SUMF1: variants seen among roughly 807,000 people sequenced by gnomAD.
The protein encoded by SUMF1 is formylglycine-generating enzyme.
A neutral mutation model predicts 47.6 loss-of-function variants in SUMF1; 48 were observed. That is an observed-to-expected ratio of 1.01 (90% CI 0.80 to 1.28). The LOEUF (loss-of-function observed/expected upper bound fraction) is 1.28. Ranked by LOEUF, SUMF1 falls within the 50% of genes most tolerant of loss-of-function variation. The pLI is 0.00. For synonymous variants in SUMF1, 230 were observed against 192.1 expected, an observed-to-expected ratio of 1.20 and a Z score of -1.63; for missense variants, 571 against 485.4, an observed-to-expected ratio of 1.18 and a Z score of -1.66.
intron 8 of SUMF1, among the ~76,000 whole-genome samples, chr3:4,264,504 C>CT (rs1003319582): frequency 1.1e-4 from 17 of 151,712 alleles, no homozygotes; most frequent in Admixed American, 3.3e-4. Flanking sequence ...CATCAGAACA[C>CT]TTTTTTTTTA....
At chr3:4,330,655 C>A (rs759464957) in intron 8 of SUMF1, among the ~76,000 whole-genome samples, 5 of 152,196 alleles carry the variant, frequency 3.3e-5, no homozygotes, top group Non-Finnish European at 5.9e-5. Flanking sequence ...CAAACCAAAT[C>A]AGACAGCATG....
At chr3:4,174,126 G>T (rs776283448) in intron 8 of SUMF1, among the ~76,000 whole-genome samples, 3 of 152,062 alleles carry the variant, frequency 2.0e-5, no homozygotes, top group Non-Finnish European at 2.9e-5. Flanking sequence ...GGAGGCTGAG[G>T]CAGGTGGATC....
chr3:4,190,450 G>T (rs1164432148), intron 8 of SUMF1, among the ~76,000 whole-genome samples: 1 of 142,960 alleles, frequency 7.0e-6, no homozygotes, highest in African/African-American at 3.0e-5. Flanking sequence ...TATCACATGG[G>T]GCATCTCAGT....
rs547231597 is a variant in SUMF1, at chr3:4,265,639, AGATGAGTAG to A, written c.1014+110682_1014+110690del. ...AGATTCTGGATATTAGCCCTTTGTC[AGATGAGTAG>A]GTTGCGAAAATTTTCTCCCATTTTC... On this transcript the variant is annotated intron_variant and NMD_transcript_variant, in intron 8 of 12. Coordinates refer to the SUMF1 transcript ENST00000448413. Among the ~76,000 whole-genome samples the A allele has an allele frequency of 1.2e-3, 188 of 152,308 alleles. 2 individuals carry two copies. In the South Asian group the frequency reaches 0.017, roughly 14 times the overall value.
At chr3:4,140,509 G>T (rs1694047449) in intron 8 of SUMF1, among the ~76,000 whole-genome samples, 1 of 151,878 alleles carries the variant, frequency 6.6e-6, no homozygotes, top group Admixed American at 6.6e-5. Flanking sequence ...GTGCCCTTTG[G>T]ACTCATCTGT....
At chr3:4,146,939 T>C (rs964385793) in intron 8 of SUMF1, among the ~76,000 whole-genome samples, 5 of 152,146 alleles carry the variant, frequency 3.3e-5, no homozygotes, top group Non-Finnish European at 7.4e-5. Flanking sequence ...GCTATCGTTG[T>C]TGGACATTTG....
chr3:4,161,054 C>T (rs1277625990), intron 8 of SUMF1, among the ~76,000 whole-genome samples: 1 of 152,152 alleles, frequency 6.6e-6, no homozygotes, highest in East Asian at 1.9e-4. Context: ...GGGAACACCC[C>T]AAGCCCAGTA....
At chr3:4,404,954 A>G (rs902482135) in intron 7 of SUMF1, among the ~76,000 whole-genome samples, 2 of 152,184 alleles carry the variant, frequency 1.3e-5, no homozygotes, top group East Asian at 3.9e-4. Flanking sequence ...GAAAGATGAT[A>G]TGATATTTAC....
intron 7 of SUMF1, among the ~76,000 whole-genome samples, chr3:4,392,593 ATGTGTGTG>A (rs764280676): frequency 1.4e-5 from 2 of 140,880 alleles, no homozygotes; most frequent in African/African-American, 5.2e-5. Context: ...TCAGATATAT[ATGTGTGTG>A]TGTGTGTGTG....
intron 9 of SUMF1, among the ~76,000 whole-genome samples, chr3:4,049,149 C>T (rs1695059405): frequency 6.6e-6 from 1 of 152,178 alleles, no homozygotes; most frequent in African/African-American, 2.4e-5. Context: ...TTGTTTCTCA[C>T]TTGCACTACA....
At chr3:4,074,647 T>TA (rs1318065413) in intron 8 of SUMF1, among the ~76,000 whole-genome samples, 1 of 151,720 alleles carries the variant, frequency 6.6e-6, no homozygotes, top group Admixed American at 6.6e-5. Context: ...TAAAAAATGA[T>TA]AAAGGGGATA....
At chr3:4,414,332 A>G (rs1318186185) in intron 6 of SUMF1, among the ~76,000 whole-genome samples, 1 of 152,230 alleles carries the variant, frequency 6.6e-6, no homozygotes, top group Non-Finnish European at 1.5e-5. Flanking sequence ...CCCTGTCTCA[A>G]ATAAATAAAA....
In SUMF1 at chr3:4,305,486, G is replaced by A. The variant is rs1038456155; in HGVS notation, c.1014+70844C>T. Among the ~76,000 whole-genome samples, 17 of 152,072 alleles carry A rather than the reference G, an allele frequency of 1.1e-4. No individual in the cohort carries two copies. In the Middle Eastern group the frequency reaches 9.5e-3, roughly 85 times the overall value. On this transcript the variant is annotated intron_variant and NMD_transcript_variant, in intron 8 of 12. Coordinates refer to the SUMF1 transcript ENST00000448413. Reference sequence around the variant, plus strand: ...CTTATCTAACTTAAAAAGGTGCCTCGGTCTTAGTTGATTATCTCCTTGTTG... The same window carrying A: ...CTTATCTAACTTAAAAAGGTGCCTCAGTCTTAGTTGATTATCTCCTTGTTG...
chr3:4,072,131 T>C (rs111227247), intron 8 of SUMF1, among the ~76,000 whole-genome samples: 15,597 of 152,068 alleles, frequency 0.1, 1,626 homozygotes, highest in African/African-American at 0.24. Context: ...GCAGCCTCCT[T>C]TAGTGATACC....
intron 8 of SUMF1, among the ~76,000 whole-genome samples, chr3:4,236,951 C>A (rs547227298): frequency 1.3e-5 from 2 of 152,250 alleles, no homozygotes; most frequent in African/African-American, 4.8e-5. Flanking sequence ...TGTCTTCATA[C>A]TTTTCCCTTT....
intron 8 of SUMF1, among the ~76,000 whole-genome samples, chr3:4,202,824 T>C (rs995808449): frequency 1.3e-5 from 2 of 152,042 alleles, no homozygotes; most frequent in Non-Finnish European, 2.9e-5. Context: ...TCTTAATTTC[T>C]TCATTGGCCC....
intron 8 of SUMF1, among the ~76,000 whole-genome samples, chr3:4,321,867 C>T (rs1429455426): frequency 6.6e-6 from 1 of 152,018 alleles, no homozygotes; most frequent in Admixed American, 6.6e-5. Flanking sequence ...AGTAACTTTA[C>T]TCTGGGGAAA....
chr3:4,423,618 T>C (rs375912826), intron 3 of SUMF1, among the ~76,000 whole-genome samples: 64 of 152,366 alleles, frequency 4.2e-4, no homozygotes, highest in East Asian at 3.5e-3. Flanking sequence ...ACAATTGGTA[T>C]ATTAAATAGT....
At chr3:4,167,309 T>C (rs908667834) in intron 8 of SUMF1, among the ~76,000 whole-genome samples, 1 of 152,180 alleles carries the variant, frequency 6.6e-6, no homozygotes, top group African/African-American at 2.4e-5. Context: ...TTCCCTTATT[T>C]GTCCCCTCCC....
Sources: allele counts gnomAD v4.1 joint callset (sites outside exome capture counted in the v4.1 genomes callset), GRCh38; gene constraint gnomAD v4.1.1; transcripts MANE v1.5; gene names NCBI Gene and HGNC (gene_info 2026-07-23, HGNC 2026-07-21).